MLXIPL: variants seen among roughly 807,000 people sequenced by gnomAD.
The protein encoded by MLXIPL is carbohydrate-responsive element-binding protein.
In MLXIPL, 49 loss-of-function variants were observed where a neutral mutation model predicts 81.5. The ratio of observed to expected loss-of-function variants is 0.60; its 90% CI spans 0.48 to 0.76. The LOEUF is 0.76. MLXIPL is among the 30% of genes least tolerant of loss of function. MLXIPL has a pLI of 0.00. For synonymous variants in MLXIPL, 466 were observed against 485.5 expected (o/e 0.96, Z 0.53); for missense variants, 1,053 against 1,167.0 (o/e 0.90, Z 1.42).
At chr7:73,645,346 G>C in the MLXIPL span, among the ~76,000 whole-genome samples, 1 of 152,296 alleles carries the variant, frequency 6.6e-6, no homozygotes, top group African/African-American at 2.4e-5. Flanking sequence ...GTAGTTGTCT[G>C]TCTCTTATTT....
chr7:73,633,781 A>G, the MLXIPL span, among the ~76,000 whole-genome samples: 1 of 152,112 alleles, frequency 6.6e-6, no homozygotes, highest in Non-Finnish European at 1.5e-5. Context: ...ATGGTGCCCT[A>G]AACAGCCTGA....
chr7:73,628,401 A>G (rs1554604101), upstream of MLXIPL, among the ~76,000 whole-genome samples: 1 of 152,168 alleles, frequency 6.6e-6, no homozygotes, highest in Non-Finnish European at 1.5e-5. Flanking sequence ...TAACACCTCT[A>G]GAAGCCTAAC....
At chr7:73,639,830 G>A in the MLXIPL span, among the ~76,000 whole-genome samples, 3 of 146,474 alleles carry the variant, frequency 2.0e-5, no homozygotes, top group Middle Eastern at 4.1e-3. Context: ...AGGCTGAGGC[G>A]GGTGGATCAC....
rs576848399 is a variant in MLXIPL, at chr7:73,621,651, G to A, written c.293+2549C>T. On this transcript the variant is annotated intron_variant, in intron 1 of 16. Transcript: ENST00000313375. ...ATGGGGAAATCTAGAAGCTCTCCTG[G>A]TACCGAGCCAACCCTCCATCTCCCT... is the stretch of plus-strand genomic sequence containing the variant. Among the ~76,000 whole-genome samples, 6 of 146,694 alleles carry A rather than the reference G, an allele frequency of 4.1e-5. No homozygotes were observed. The East Asian group carries it at 1.2e-3, about 29-fold the overall frequency.
rs117297348 is a variant in MLXIPL at position 73,595,549 on chromosome 7, G to A, written c.2310+88C>T. ...AGCAGCTCTGAGCCTGCCCGGCCTG[G>A]AGAGCTAGGCCTCCATCCCAGGCCC... On this transcript the variant is annotated intron_variant, in intron 15 of 16. Transcript: ENST00000313375. 4.7e-3 allele frequency: 7,504 copies of A among 1,611,760 alleles called. 27 individuals are homozygous for A. Among genetic ancestry groups the A allele is most frequent in the Non-Finnish European group, 5.8e-3 (6,848 of 1,179,668 alleles).
At position 73,607,671 on chromosome 7, in the gene MLXIPL, A is replaced by G; in HGVS notation, c.402T>C (p.Tyr134=). 6.2e-7 allele frequency: 1 copy of G among 1,612,982 alleles called. No individual in the cohort carries two copies. The highest frequency in any genetic ancestry group is 8.5e-7 in the Non-Finnish European group (1 of 1,179,772). ...NAIWRAWYIQ[Y]VKRRKSPVCG... ...ACACGGGGCTCTTCCTCCGCTTCAC[A>G]TCTGAGAGAAGGGGGCCAGGTCAGG... Residue 134 remains tyrosine, a splice_region_variant and synonymous_variant, in exon 3 of 17, where the codon TAT becomes TAC. Coordinates refer to ENST00000313375, the MANE Select transcript of MLXIPL (RefSeq NM_032951.3).
chr7:73,611,179 AT>A (rs1232098288), intron 2 of MLXIPL: 1 of 152,192 alleles, frequency 6.6e-6, no homozygotes, highest in African/African-American at 2.4e-5. Flanking sequence ...TCTGCCCACA[AT>A]TCAGGATAGC....
At chr7:73,615,428 A>G (rs1584137579) in intron 2 of MLXIPL, among the ~76,000 whole-genome samples, 1 of 152,136 alleles carries the variant, frequency 6.6e-6, no homozygotes, top group African/African-American at 2.4e-5. Context: ...CAAGGCACCC[A>G]ACTATGCTAA....
rs1434574963 is a variant in MLXIPL, at chr7:73,623,144, CG to C, written c.293+1055del. On this transcript the variant is annotated intron_variant, in intron 1 of 16. Transcript: ENST00000313375. This position sits in a 1 kb window ranked among gnomAD's most constrained non-coding sequence, Gnocchi z 5.7. Reference sequence around the variant, plus strand: ...CAATGGGGTCGCAGCTGGGCGGCTGCGGTTGGGGGCAGGCAACACTCCCCTC... The same window carrying C: ...CAATGGGGTCGCAGCTGGGCGGCTGCGTTGGGGGCAGGCAACACTCCCCTC... Among the ~76,000 whole-genome samples, 3 of 152,146 alleles carry C rather than the reference CG, an allele frequency of 2.0e-5. No homozygotes were observed. The highest frequency in any genetic ancestry group is 2.4e-5 in the African/African-American group (1 of 41,444).
chr7:73,629,953 T>C, the MLXIPL span, among the ~76,000 whole-genome samples: 1 of 149,454 alleles, frequency 6.7e-6, no homozygotes, highest in Non-Finnish European at 1.5e-5. Context: ...CAACAGCCCC[T>C]TGGCTTGTCT....
At chr7:73,604,389 C>T (rs1795122975) in intron 7 of MLXIPL, among the ~76,000 whole-genome samples, 1 of 150,856 alleles carries the variant, frequency 6.6e-6, no homozygotes, top group African/African-American at 2.4e-5. Flanking sequence ...CTGGGCAATA[C>T]AGGGAGGCCC....
At chr7:73,598,465 C>T (rs536014202) in intron 8 of MLXIPL, among the ~76,000 whole-genome samples, 3 of 152,166 alleles carry the variant, frequency 2.0e-5, no homozygotes, top group Non-Finnish European at 2.9e-5. Flanking sequence ...ATGTATCCAT[C>T]CACCAGCCCA....
At chr7:73,634,969 C>T in the MLXIPL span, among the ~76,000 whole-genome samples, 1 of 150,340 alleles carries the variant, frequency 6.7e-6, no homozygotes, top group African/African-American at 2.4e-5. Context: ...GAATGCACCA[C>T]CACGCCCAGC....
intron 1 of MLXIPL, among the ~76,000 whole-genome samples, chr7:73,617,991 T>C (rs1796100475): frequency 6.6e-6 from 1 of 152,170 alleles, no homozygotes; most frequent in Non-Finnish European, 1.5e-5. Context: ...TCCCTCCCTC[T>C]CTCGTCTCCA....
chr7:73,613,913 G>T (rs1038984987), intron 2 of MLXIPL, among the ~76,000 whole-genome samples: 3 of 152,152 alleles, frequency 2.0e-5, no homozygotes, highest in Non-Finnish European at 4.4e-5. Context: ...GAGGCGGGCA[G>T]ATCATCTGAG....
At chr7:73,595,071 C>G (rs988430256) in intron 15 of MLXIPL, among the ~76,000 whole-genome samples, 2 of 152,126 alleles carry the variant, frequency 1.3e-5, no homozygotes, top group African/African-American at 4.8e-5. Context: ...GTCTTGAACT[C>G]CTGGCCTCAA....
chr7:73,642,263 A>G, the MLXIPL span, among the ~76,000 whole-genome samples: 9 of 152,178 alleles, frequency 5.9e-5, no homozygotes, highest in Non-Finnish European at 2.9e-5. Flanking sequence ...TGGGAGCATC[A>G]CCCTCCTAGC....
the MLXIPL span, among the ~76,000 whole-genome samples, chr7:73,646,409 G>A: frequency 1.3e-5 from 2 of 152,034 alleles, no homozygotes; most frequent in Non-Finnish European, 2.9e-5. Flanking sequence ...CCCCTATATC[G>A]GCCAGAGGAT....
At chr7:73,603,675 G>A (rs1795066429) in intron 7 of MLXIPL, among the ~76,000 whole-genome samples, 1 of 152,218 alleles carries the variant, frequency 6.6e-6, no homozygotes, top group Admixed American at 6.5e-5. Flanking sequence ...CGATGAGACG[G>A]GCTGAGCCTG....
Sources: gnomAD v4.1 joint callset for allele counts (sites outside exome capture counted in the v4.1 genomes callset) on GRCh38, gnomAD v4.1.1 for gene constraint, Gnocchi (gnomAD v3.1) non-coding constraint, MANE v1.5 for transcripts, NCBI Gene and HGNC (gene_info 2026-07-23, HGNC 2026-07-21) for gene names.